The following HDAC11 variants were observed in gnomAD, a reference collection of about 807,000 sequenced individuals.
The protein encoded by HDAC11 is histone deacetylase 11.
HDAC11 carries 23 observed loss-of-function variants against 41.1 expected under a neutral mutation model. The observed-to-expected ratio is 0.56, with a 90% CI of 0.40 to 0.79. HDAC11 has a LOEUF of 0.79. HDAC11 is among the 30% of genes least tolerant of loss of function. The pLI is 0.00. For missense variants in HDAC11, 402 were observed against 477.3 expected, an observed-to-expected ratio of 0.84 and a Z score of 1.47; for synonymous variants, 187 against 186.6, an observed-to-expected ratio of 1.00 and a Z score of -0.02.
rs374975363 is a variant in HDAC11 at position 13,501,941 on chromosome 3, C to A, written c.552+8C>A. On this transcript the variant is annotated splice_region_variant and intron_variant, in intron 7 of 9. Coordinates refer to ENST00000295757, the MANE Select transcript of HDAC11 (RefSeq NM_024827.4). ...GATCTTGATGCCCATCAGGTGAGTG[C>A]CCTGCAGGGGCTGGACTCTTAGGGG... 4 of 1,613,092 alleles carry A rather than the reference C, an allele frequency of 2.5e-6. No individual in the cohort carries two copies. Among genetic ancestry groups the A allele is most frequent in the African/African-American group, 2.7e-5 (2 of 74,998 alleles).
chr3:13,500,346 C>T lies in HDAC11; in HGVS notation c.413-367C>T, dbSNP rs1431052182. On this transcript the variant is annotated intron_variant, in intron 5 of 9. Transcript: ENST00000295757. ...GCCCTTCCTGACCACCCGCTTTGGC[C>T]ACTGGCAGAATCCGTGTGGCCCCCA... is the stretch of plus-strand genomic sequence containing the variant. 3.9e-5 allele frequency among the ~76,000 whole-genome samples: 6 copies of T among 152,170 alleles called. No individual in the cohort carries two copies. The East Asian group carries it at 7.7e-4, about 20-fold the overall frequency.
chr3:13,492,626 C>A (rs1323534689), intron 3 of HDAC11, among the ~76,000 whole-genome samples: 1 of 152,122 alleles, frequency 6.6e-6, no homozygotes, highest in East Asian at 1.9e-4. Context: ...CTCACTGCAA[C>A]CTCCACCCCT....
At position 13,505,034 on chromosome 3, in the gene HDAC11, C is replaced by T. The variant is rs962595498; in HGVS notation, c.*351C>T. On this transcript the variant is annotated 3_prime_UTR_variant, in exon 10 of 10. Coordinates refer to ENST00000295757, the MANE Select transcript of HDAC11 (RefSeq NM_024827.4). The stretch of plus-strand genomic sequence containing the variant: ...GCTTGGGGTGTTCTGGTTTTGAGAA[C>T]GGCAGACCCAGGTCGGAGTGAGGAA... 11 of 335,286 alleles carry T rather than the reference C, an allele frequency of 3.3e-5. No homozygotes were observed. Among genetic ancestry groups the T allele is most frequent in the Middle Eastern group, 9.0e-4 (1 of 1,116 alleles). 20.8% of individuals were successfully genotyped at this position (335,286 alleles called of 1,614,324 possible).
chr3:13,495,670 C>T (rs1702064752), intron 3 of HDAC11, among the ~76,000 whole-genome samples: 1 of 152,200 alleles, frequency 6.6e-6, no homozygotes, highest in Admixed American at 6.5e-5. Context: ...AATGTGTGAG[C>T]CTGTGCTAGG....
chr3:13,483,992 C>G (rs1333635933), intron 3 of HDAC11, among the ~76,000 whole-genome samples: 2 of 152,152 alleles, frequency 1.3e-5, no homozygotes, highest in African/African-American at 4.8e-5. Context: ...GAGTCTCACT[C>G]TGTCGCCCAG....
In HDAC11 at chr3:13,481,253, A is replaced by G. The variant is rs377471769; in HGVS notation, c.10A>G (p.Thr4Ala). 10 of 1,612,044 alleles carry G rather than the reference A, an allele frequency of 6.2e-6. No homozygotes were observed. The highest frequency in any genetic ancestry group is 1.3e-5 in the African/African-American group (1 of 74,856). The change falls in exon 2 of 10, where the codon ACA becomes GCA. Residue 4 changes from threonine to alanine, a missense_variant. Physicochemically the swap from Thr to Ala is moderately conservative, Grantham distance 58. Coordinates refer to ENST00000295757, the MANE Select transcript of HDAC11 (RefSeq NM_024827.4). ...TCTTTTTCCACACGGTAGGCTACAC[A>G]CAACCCAGCTGTACCAGCATGTGCC... MLHTTQLYQHVPET... is the reference protein window; with the variant it reads MLHATQLYQHVPET...
At position 13,502,989 on chromosome 3, in the gene HDAC11, C is replaced by A; in HGVS notation, c.649+9C>A. 1 of 1,602,486 alleles carries A rather than the reference C, an allele frequency of 6.2e-7. No homozygotes were observed. The highest frequency in any genetic ancestry group is 8.5e-7 in the Non-Finnish European group (1 of 1,169,752). ...GGACCGCTTTGCCAAGCGTAAGCTG[C>A]TGCCCCTACCCTCATCTTGGGTGTG... On this transcript the variant is annotated intron_variant, in intron 8 of 9. Coordinates refer to ENST00000295757, the MANE Select transcript of HDAC11 (RefSeq NM_024827.4). This position sits in a 1 kb window ranked among gnomAD's most constrained non-coding sequence, Gnocchi z 4.1.
intron 8 of HDAC11, 85 bp from the exon 9 acceptor site, chr3:13,504,008 TC>T (rs1418892465): frequency 7.8e-6 from 10 of 1,280,936 alleles, no homozygotes; most frequent in African/African-American, 1.5e-5. Context: ...CAGACCAGTT[TC>T]CAGTCTTGCC....
rs1445521998 is a variant in HDAC11 at position 13,501,862 on chromosome 3, C to G, written c.490-9C>G. 6.2e-6 allele frequency: 10 copies of G among 1,613,692 alleles called. No individual in the cohort carries two copies. The highest frequency in any genetic ancestry group is 1.3e-5 in the African/African-American group (1 of 74,902). On this transcript the variant is annotated splice_polypyrimidine_tract_variant and intron_variant, in intron 6 of 9. Transcript: ENST00000295757. ...CAGATCCTCATGTCTACCCTCTCCT[C>G]CCTGGCAGTTTCTGTTTGAGCGTGT...
chr3:13,501,147 CTGGCAGTT>C (rs1303917724), intron 6 of HDAC11, among the ~76,000 whole-genome samples: 1 of 152,224 alleles, frequency 6.6e-6, no homozygotes, highest in Non-Finnish European at 1.5e-5. Context: ...CTGATAGCAC[CTGGCAGTT>C]CTGCATGCTC....
rs140686375 is a variant in HDAC11, at chr3:13,498,163, C to T, written c.370-350C>T. On this transcript the variant is annotated intron_variant, in intron 4 of 9. Transcript: ENST00000295757. ...GAGCCACTGCGCCTGGCCCAGTCTA[C>T]TGTATTTCTGTGAGCAAAACTTTGC... Among the ~76,000 whole-genome samples, 772 of 152,278 alleles carry T rather than the reference C, an allele frequency of 5.1e-3. 9 individuals carry two copies. The highest frequency in any genetic ancestry group is 0.018 in the African/African-American group (744 of 41,564).
intron 3 of HDAC11, among the ~76,000 whole-genome samples, chr3:13,490,624 C>G (rs976549073): frequency 7.9e-5 from 12 of 151,330 alleles, no homozygotes; most frequent in African/African-American, 2.7e-4. Context: ...GTTTGAATTT[C>G]CTTTTAAGAT....
At chr3:13,488,558 G>C (rs1012596769) in intron 3 of HDAC11, among the ~76,000 whole-genome samples, 3 of 152,178 alleles carry the variant, frequency 2.0e-5, no homozygotes, top group Non-Finnish European at 4.4e-5. Context: ...ACTAAGCACA[G>C]CGTTTTCAAC....
intron 5 of HDAC11, 46 bp downstream of exon 5, chr3:13,498,601 GAA>G: frequency 7.8e-7 from 1 of 1,277,348 alleles, no homozygotes; most frequent in Middle Eastern, 2.0e-4. Flanking sequence ...CGGCTTGGTG[GAA>G]CTGGCCTGAA....
In HDAC11 at chr3:13,504,813, C is replaced by A; in HGVS notation, c.*130C>A. The A allele has an allele frequency of 1.2e-6, 1 of 811,306 alleles. No individual in the cohort carries two copies. Among genetic ancestry groups the A allele is most frequent in the Non-Finnish European group, 2.0e-6 (1 of 504,182 alleles). 50.3% of individuals were successfully genotyped at this position (811,306 alleles called of 1,614,324 possible). A position where few individuals can be genotyped will look rare whatever the true frequency, so the allele number is the denominator to read the frequency against. ...GGGCAGGGCCATCCCTGGCTGGGGC[C>A]TGGAGCTGGCCCTTCCTCTACTTTT... is the stretch of plus-strand genomic sequence containing the variant. On this transcript the variant is annotated 3_prime_UTR_variant, in exon 10 of 10. Coordinates refer to ENST00000295757, the MANE Select transcript of HDAC11 (RefSeq NM_024827.4).
intron 3 of HDAC11, among the ~76,000 whole-genome samples, chr3:13,489,810 T>C (rs1701763870): frequency 6.6e-6 from 1 of 152,188 alleles, no homozygotes; most frequent in African/African-American, 2.4e-5. Context: ...TCAAGTGATT[T>C]GCTCACCTCG....
At chr3:13,496,893 A>G (rs1396421640) in intron 4 of HDAC11, 41 bp downstream of exon 4, 14 of 1,189,278 alleles carry the variant, frequency 1.2e-5, no homozygotes, top group Non-Finnish European at 1.7e-5. Context: ...GGGGGCCCCC[A>G]CACCCCAGGG....
At chr3:13,503,339 C>T (rs888966791) in intron 8 of HDAC11, 6 of 185,254 alleles carry the variant, frequency 3.2e-5, no homozygotes, top group South Asian at 1.0e-4. Context: ...CTGAAGTGGG[C>T]GGATCACCTG....
chr3:13,488,520 A>T (rs143400538), intron 3 of HDAC11, among the ~76,000 whole-genome samples: 2,364 of 152,268 alleles, frequency 0.016, 57 homozygotes, highest in African/African-American at 0.054. Context: ...ATCATACAAT[A>T]TGTGACCTTT....
Sources: allele counts gnomAD v4.1 joint callset (sites outside exome capture counted in the v4.1 genomes callset), GRCh38; gene constraint gnomAD v4.1.1; non-coding constraint Gnocchi (gnomAD v3.1); transcripts MANE v1.5; gene names NCBI Gene and HGNC (gene_info 2026-07-23, HGNC 2026-07-21).